RBFOX1: variants seen among roughly 807,000 people sequenced by gnomAD.
RBFOX1 encodes RNA binding fox-1 homolog 1.
In RBFOX1, 8 loss-of-function variants were observed where a neutral mutation model predicts 57.7. The observed-to-expected ratio is 0.14, with a 90% CI of 0.08 to 0.25. The LOEUF (loss-of-function observed/expected upper bound fraction) is 0.25, where lower values mean the gene tolerates loss of function less well. Among genes scored for constraint, RBFOX1 ranks in the 10% least tolerant of loss-of-function variants. The probability of loss-of-function intolerance (pLI) is 1.00; values close to 1 mark genes in which losing one functional copy is unlikely to be tolerated. For missense variants in RBFOX1, 611 were observed against 548.5 expected, an observed-to-expected ratio of 1.11 and a Z score of -1.14; for synonymous variants, 326 against 222.4, an observed-to-expected ratio of 1.47 and a Z score of -4.15.
At chr16:6,355,280 C>T (rs1303401408) in intron 2 of RBFOX1, among the ~76,000 whole-genome samples, 1 of 151,932 alleles carries the variant, frequency 6.6e-6, no homozygotes, top group Non-Finnish European at 1.5e-5. Flanking sequence ...GTTATCACTC[C>T]CCCAGCCCCC....
At chr16:5,283,982 A>G (rs1471207863) in intron 1 of RBFOX1, among the ~76,000 whole-genome samples, 8 of 152,120 alleles carry the variant, frequency 5.3e-5, no homozygotes, top group Non-Finnish European at 1.5e-5. Flanking sequence ...TTGAATTCCC[A>G]CATGTTATTG....
chr16:7,184,466 G>A (rs1283916597), intron 4 of RBFOX1, among the ~76,000 whole-genome samples: 1 of 152,210 alleles, frequency 6.6e-6, no homozygotes, highest in South Asian at 2.1e-4. Context: ...CATCTGCATT[G>A]CATGCATGTT....
intron 1 of RBFOX1, among the ~76,000 whole-genome samples, chr16:5,335,715 T>A (rs1003484564): frequency 2.0e-5 from 3 of 152,178 alleles, no homozygotes; most frequent in Non-Finnish European, 4.4e-5. Flanking sequence ...GATCATAAGC[T>A]TTCTGAGGGC....
intron 4 of RBFOX1, among the ~76,000 whole-genome samples, chr16:5,960,065 G>A (rs1364304951): frequency 6.6e-6 from 1 of 152,124 alleles, no homozygotes; most frequent in Non-Finnish European, 1.5e-5. Flanking sequence ...GCCGGGCATG[G>A]TGACATGTGC....
chr16:7,614,477 T>C (rs1423037071), intron 10 of RBFOX1: 3 of 152,224 alleles, frequency 2.0e-5, no homozygotes, highest in Non-Finnish European at 4.4e-5. Flanking sequence ...GTGGGGTTTT[T>C]TGATCTTCAG....
At chr16:6,010,756 C>G (rs576643939) in intron 4 of RBFOX1, among the ~76,000 whole-genome samples, 1 of 152,328 alleles carries the variant, frequency 6.6e-6, no homozygotes, top group South Asian at 2.1e-4. Context: ...TGTTTATGTT[C>G]AGGTTCCAGA....
intron 3 of RBFOX1, among the ~76,000 whole-genome samples, chr16:6,675,610 A>C (rs2057501091): frequency 6.6e-6 from 1 of 152,202 alleles, no homozygotes; most frequent in Non-Finnish European, 1.5e-5. Flanking sequence ...TGTAAAGAAA[A>C]AGAGCTTTAA....
At chr16:7,282,757 A>G (rs1319615972) in intron 4 of RBFOX1, among the ~76,000 whole-genome samples, 1 of 152,158 alleles carries the variant, frequency 6.6e-6, no homozygotes, top group Non-Finnish European at 1.5e-5. Context: ...CTGAGTCCCC[A>G]AAGTCCACTG....
chr16:7,489,985 C>T (rs927403581), intron 4 of RBFOX1, among the ~76,000 whole-genome samples: 3 of 152,148 alleles, frequency 2.0e-5, no homozygotes, highest in Admixed American at 6.5e-5. Context: ...AGATGTGTCT[C>T]TCTCCAAAAT....
chr16:6,913,926 C>T (rs1056661733), intron 3 of RBFOX1, among the ~76,000 whole-genome samples: 1 of 152,196 alleles, frequency 6.6e-6, no homozygotes, highest in Non-Finnish European at 1.5e-5. Context: ...CTAAAGGCCT[C>T]TTGGGGTGAA....
chr16:7,507,540 A>G (rs1187627717), intron 4 of RBFOX1, among the ~76,000 whole-genome samples: 3 of 148,854 alleles, frequency 2.0e-5, no homozygotes, highest in Non-Finnish European at 4.5e-5. Flanking sequence ...AAGGCCTTGG[A>G]ACGTGATTTT....
At chr16:6,710,901 C>G (rs979578317) in intron 3 of RBFOX1, among the ~76,000 whole-genome samples, 1 of 152,172 alleles carries the variant, frequency 6.6e-6, no homozygotes, top group Non-Finnish European at 1.5e-5. Flanking sequence ...TGAGAAGACT[C>G]CTTCTAGAAG....
chr16:6,290,751 T>A (rs2077387946), intron 1 of RBFOX1, among the ~76,000 whole-genome samples: 1 of 152,210 alleles, frequency 6.6e-6, no homozygotes, highest in Admixed American at 6.5e-5. Flanking sequence ...AAATAAAGGA[T>A]ATTGTTATTT....
chr16:6,378,217 C>G (rs930363145), intron 2 of RBFOX1, among the ~76,000 whole-genome samples: 3 of 152,334 alleles, frequency 2.0e-5, no homozygotes, highest in Non-Finnish European at 4.4e-5. Context: ...TCCCTGCAGC[C>G]TTTGAGCTCC....
intron 4 of RBFOX1, among the ~76,000 whole-genome samples, chr16:7,226,419 TAA>T (rs1260210072): frequency 1.3e-5 from 2 of 152,108 alleles, no homozygotes; most frequent in African/African-American, 4.8e-5. Flanking sequence ...GGCCCTCAGT[TAA>T]AAGAGTTGGG....
intron 1 of RBFOX1, among the ~76,000 whole-genome samples, chr16:5,340,509 T>C (rs1031968465): frequency 6.6e-6 from 1 of 152,216 alleles, no homozygotes; most frequent in Non-Finnish European, 1.5e-5. Flanking sequence ...GTGTCATTCC[T>C]GAAGTAGGAG....
chr16:6,637,530 T>C (rs77712862), intron 2 of RBFOX1, among the ~76,000 whole-genome samples: 17 of 47,430 alleles, frequency 3.6e-4, no homozygotes, highest in Admixed American at 3.0e-3. Flanking sequence ...TAATATTCTG[T>C]ATAGTATATA....
chr16:6,843,872 A>G (rs1336153222), intron 3 of RBFOX1, among the ~76,000 whole-genome samples: 2 of 152,126 alleles, frequency 1.3e-5, no homozygotes, highest in East Asian at 1.9e-4. Flanking sequence ...ATATCTTCAT[A>G]TCCCCTGGAT....
In RBFOX1 at chr16:7,693,253, A is replaced by G. The variant is rs2077773078; in HGVS notation, c.996-15803A>G. The G allele has an allele frequency of 1.1e-5, 16 of 1,449,092 alleles. No individual in the cohort carries two copies. The East Asian group carries it at 2.7e-4, about 25-fold the overall frequency. The allele number at this position is 1,449,092 out of a possible 1,614,324, so 89.8% of individuals were successfully genotyped here. On this transcript the variant is annotated intron_variant, in intron 14 of 15. Coordinates refer to ENST00000550418, the MANE Select transcript of RBFOX1 (RefSeq NM_018723.4). ...CCCCTCATCTGTACACATCGAAGCA[A>G]TTGGCAGAGAGCACATTTCCCCCTG...
Sources: gnomAD v4.1 joint callset for allele counts (sites outside exome capture counted in the v4.1 genomes callset) on GRCh38, gnomAD v4.1.1 for gene constraint, MANE v1.5 for transcripts, NCBI Gene and HGNC (gene_info 2026-07-23, HGNC 2026-07-21) for gene names.